The following ATP7B variants were observed in gnomAD, a reference collection of about 807,000 sequenced individuals.
ATP7B encodes ATPase copper transporting beta.
In ATP7B, 113 loss-of-function variants were observed where a neutral mutation model predicts 118.9. The ratio of observed to expected loss-of-function variants is 0.95; its 90% CI spans 0.82 to 1.11. The LOEUF is 1.11. Ranked by LOEUF, ATP7B falls within the 50% of genes most tolerant of loss-of-function variation. ATP7B has a pLI of 0.00. For missense variants in ATP7B, 1,867 were observed against 1,871.4 expected (o/e 1.00, Z 0.04); for synonymous variants, 777 against 727.4 (o/e 1.07, Z -1.10).
chr13:51,986,176 A>C (rs1401484347), intron 1 of ATP7B, among the ~76,000 whole-genome samples: 1 of 152,220 alleles, frequency 6.6e-6, no homozygotes, highest in Non-Finnish European at 1.5e-5. Flanking sequence ...AGCCAGACTA[A>C]TAAAGAAGAA....
At chr13:51,946,098 C>A (rs147985671) in intron 13 of ATP7B, among the ~76,000 whole-genome samples, 186 bp downstream of exon 13, 1 of 152,208 alleles carries the variant, frequency 6.6e-6, no homozygotes, top group Non-Finnish European at 1.5e-5. Flanking sequence ...GTTGATAAAG[C>A]GTTCCATTAT....
At position 51,965,426 on chromosome 13, in the gene ATP7B, T is replaced by C. The variant is rs374518679; in HGVS notation, c.1708-393A>G. Among the ~76,000 whole-genome samples, 5 of 152,208 alleles carry C rather than the reference T, an allele frequency of 3.3e-5. No homozygotes were observed. The East Asian group carries it at 7.7e-4, about 23-fold the overall frequency. ...TGTGAAACTCGCTGCACTCCTGAAA[T>C]ACTCTCCGTAATCCTGAGTGTTGCT... is the stretch of plus-strand genomic sequence containing the variant. On this transcript the variant is annotated intron_variant, in intron 4 of 20. Coordinates refer to ENST00000242839, the MANE Select transcript of ATP7B (RefSeq NM_000053.4).
chr13:52,001,938 G>A (rs779303443), intron 1 of ATP7B, among the ~76,000 whole-genome samples: 6 of 152,022 alleles, frequency 3.9e-5, no homozygotes, highest in African/African-American at 7.3e-5. Context: ...CTACAGGTGC[G>A]TGCCACGATG....
In ATP7B at chr13:51,946,484, A is replaced by C. The variant is rs751890141; in HGVS notation, c.2866-6T>G. The C allele has an allele frequency of 6.2e-7, 1 of 1,614,176 alleles. No homozygotes were observed. The highest frequency in any genetic ancestry group is 8.5e-7 in the Non-Finnish European group (1 of 1,180,014). On this transcript the variant is annotated splice_polypyrimidine_tract_variant and splice_region_variant and intron_variant, in intron 12 of 20. Coordinates refer to ENST00000242839, the MANE Select transcript of ATP7B (RefSeq NM_000053.4). Reference sequence around the variant, plus strand: ...GAGATGTGCTTGTTGGGGTTCTGAAAACAGGACAGAGTCAGAGGCAGGTTG... The same window carrying C: ...GAGATGTGCTTGTTGGGGTTCTGAACACAGGACAGAGTCAGAGGCAGGTTG...
intron 1 of ATP7B, among the ~76,000 whole-genome samples, chr13:51,996,790 T>G (rs1412279499): frequency 6.6e-6 from 1 of 152,242 alleles, no homozygotes; most frequent in African/African-American, 2.4e-5. Flanking sequence ...TTTATCCTGC[T>G]GCTTCTTACC....
chr13:51,960,118 G>A, intron 7 of ATP7B, 30 bp downstream of exon 7: 4 of 1,603,134 alleles, frequency 2.5e-6, no homozygotes, highest in Non-Finnish European at 3.4e-6. Context: ...AGCATGGAAG[G>A]GAGAGGTCTG....
Position 51,974,457 on chromosome 13 carries a change from G to A in ATP7B, c.763C>T (p.His255Tyr). Reference protein sequence around the residue: ...NSETLGHQGSHVVTLQLRIDG... With the variant: ...NSETLGHQGSYVVTLQLRIDG... Reference sequence around the variant, plus strand: ...ATTCTCAGTTGGAGGGTGACCACATGGCTTCCTTGGTGCCCCAAGGTCTCA... The same window carrying A: ...ATTCTCAGTTGGAGGGTGACCACATAGCTTCCTTGGTGCCCCAAGGTCTCA... The change falls in exon 2 of 21, where the codon CAT becomes TAT. Residue 255 changes from histidine to tyrosine, a missense_variant. His to Tyr is a moderately conservative substitution (Grantham distance 83, BLOSUM62 2). Coordinates refer to ENST00000242839, the MANE Select transcript of ATP7B (RefSeq NM_000053.4). 5 of 1,614,074 alleles carry A rather than the reference G, an allele frequency of 3.1e-6. No individual in the cohort carries two copies. Among genetic ancestry groups the A allele is most frequent in the Non-Finnish European group, 4.2e-6 (5 of 1,180,014 alleles).
rs1278497193 is a variant in ATP7B at position 51,968,529 on chromosome 13, T to G, written c.1622A>C (p.Glu541Ala). 1 of 1,614,140 alleles carries G rather than the reference T, an allele frequency of 6.2e-7. No homozygotes were observed. Among genetic ancestry groups the G allele is most frequent in the African/African-American group, 1.3e-5 (1 of 75,020 alleles). Residue 541 changes from glutamate (E) to alanine (A), a missense_variant, in exon 4 of 21, where the codon GAG becomes GCG. Glu to Ala is a moderately radical substitution (Grantham distance 107, BLOSUM62 -1). Coordinates refer to ENST00000242839, the MANE Select transcript of ATP7B (RefSeq NM_000053.4). ...CAGGTCCTGGATGAACTGAGCTATC[T>G]CGAGGGGCTGGATGACCTCTGGGTC... ...KYDPEVIQPL[E>A]IAQFIQDLGF...
intron 1 of ATP7B, among the ~76,000 whole-genome samples, chr13:52,004,238 G>A (rs1953669352): frequency 6.6e-6 from 1 of 152,186 alleles, no homozygotes; most frequent in African/African-American, 2.4e-5. Flanking sequence ...CTCCAGCCTG[G>A]CTGACAGAGC....
At chr13:51,973,817 G>C (rs1187006600) in intron 2 of ATP7B, 118 bp downstream of exon 2, 1 of 1,435,032 alleles carries the variant, frequency 7.0e-7, no homozygotes, top group African/African-American at 1.4e-5. Context: ...GCAGGATTTT[G>C]TTCCACTGTT....
At chr13:51,942,600 G>A in intron 14 of ATP7B, 46 bp from the exon 15 acceptor site, 1 of 1,611,150 alleles carries the variant, frequency 6.2e-7, no homozygotes, top group East Asian at 2.2e-5. Context: ...AGCCAAGAGG[G>A]GTGAAGTGAA....
intron 9 of ATP7B, 40 bp downstream of exon 9, chr13:51,957,476 T>TA (rs778407699): frequency 7.0e-6 from 11 of 1,579,058 alleles, no homozygotes; most frequent in Non-Finnish European, 8.7e-6. Context: ...CACAGATTGA[T>TA]AGATACCAAC....
intron 1 of ATP7B, among the ~76,000 whole-genome samples, 160 bp downstream of exon 1, chr13:52,011,126 CT>C (rs1329833062): frequency 6.6e-6 from 1 of 152,258 alleles, no homozygotes; most frequent in Non-Finnish European, 1.5e-5. Flanking sequence ...CACACTTTTT[CT>C]AAAGGGTCCT....
At chr13:52,004,843 G>A (rs552798743) in intron 1 of ATP7B, among the ~76,000 whole-genome samples, 1 of 152,186 alleles carries the variant, frequency 6.6e-6, no homozygotes, top group South Asian at 2.1e-4. Context: ...TGGGCCCCGG[G>A]TTCTCCAAGA....
chr13:51,948,099 A>G (rs923058492), intron 12 of ATP7B, among the ~76,000 whole-genome samples: 2 of 152,218 alleles, frequency 1.3e-5, no homozygotes, highest in Non-Finnish European at 2.9e-5. Context: ...GAGGTTCCTT[A>G]GATGTCAGAA....
intron 1 of ATP7B, among the ~76,000 whole-genome samples, chr13:51,995,798 C>T (rs1953177496): frequency 6.6e-6 from 1 of 152,150 alleles, no homozygotes; most frequent in Non-Finnish European, 1.5e-5. Context: ...ACCGTCCCAG[C>T]ACTTGGCACC....
intron 4 of ATP7B, chr13:51,966,895 C>G: frequency 6.2e-7 from 1 of 1,612,794 alleles, no homozygotes; most frequent in African/African-American, 1.3e-5. Flanking sequence ...TGGCAGAAAC[C>G]TCACCACAAA....
intron 16 of ATP7B, among the ~76,000 whole-genome samples, chr13:51,939,903 C>A (rs906328222): frequency 3.3e-5 from 5 of 150,596 alleles, no homozygotes; most frequent in Admixed American, 1.3e-4. Context: ...TATACTGTTA[C>A]TTCTATTAGC....
Position 51,950,294 on chromosome 13 carries a change from C to G in ATP7B, c.2553G>C (p.Met851Ile), listed in dbSNP as rs1341356566. 3.1e-6 allele frequency: 5 copies of G among 1,614,046 alleles called. No homozygotes were observed. Among genetic ancestry groups the G allele is most frequent in the Non-Finnish European group, 3.4e-6 (4 of 1,180,030 alleles). Residue 851 changes from methionine to isoleucine, a missense_variant, in exon 10 of 21, where the codon ATG becomes ATC. Met to Ile is a conservative substitution (Grantham distance 10). Transcript: ENST00000242839. ...CACCTGTGATGAGGGACTCATCAGC[C>G]ATGGTATTGCCTTCCAGGACTTTCC... is the stretch of plus-strand genomic sequence containing the variant. ...VDGKVLEGNT[M>I]ADESLITGEA...
Sources: allele counts gnomAD v4.1 joint callset (sites outside exome capture counted in the v4.1 genomes callset), GRCh38; gene constraint gnomAD v4.1.1; transcripts MANE v1.5; gene names NCBI Gene and HGNC (gene_info 2026-07-23, HGNC 2026-07-21).